FAM117B: variants seen among roughly 807,000 people sequenced by gnomAD.
FAM117B encodes family with sequence similarity 117 member B.
FAM117B carries 22 observed loss-of-function variants against 52.8 expected under a neutral mutation model. The observed-to-expected ratio is 0.42, with a 90% CI of 0.30 to 0.59. FAM117B has a LOEUF of 0.59. Ranked by LOEUF, FAM117B falls within the 20% of genes least tolerant of loss-of-function variation. FAM117B has a pLI of 0.22. For missense variants in FAM117B, 678 were observed against 802.6 expected (o/e 0.84, Z 1.88); for synonymous variants, 309 against 324.1 (o/e 0.95, Z 0.50).
At chr2:202,743,032 A>AC (rs1287456132) in intron 4 of FAM117B, among the ~76,000 whole-genome samples, 1 of 152,132 alleles carries the variant, frequency 6.6e-6, no homozygotes, top group African/African-American at 2.4e-5. Context: ...AGTCCTGAGG[A>AC]CCCACCTGCC....
At chr2:202,695,485 C>G (rs1690696920) in intron 1 of FAM117B, among the ~76,000 whole-genome samples, 1 of 152,038 alleles carries the variant, frequency 6.6e-6, no homozygotes, top group African/African-American at 2.4e-5. Flanking sequence ...CTTTGGAGCC[C>G]TCTCAATCGT....
intron 3 of FAM117B, chr2:202,725,299 CTTTTT>C (rs11432596): frequency 2.7e-5 from 4 of 148,824 alleles, no homozygotes; most frequent in South Asian, 1.5e-4. Flanking sequence ...CACATTTATT[CTTTTT>C]TTTTTTTTTT....
In FAM117B at chr2:202,759,792, C is replaced by T. The variant is rs574195513; in HGVS notation, c.1451+439C>T. ...CAGGATGGTCTCAATCTCCTGACTT[C>T]GTGATCCACCTGCCTCGGCCTACCA... On this transcript the variant is annotated intron_variant, in intron 7 of 7. Coordinates refer to ENST00000392238, the MANE Select transcript of FAM117B (RefSeq NM_173511.4). Among the ~76,000 whole-genome samples the T allele has an allele frequency of 8.7e-5, 13 of 149,984 alleles. 1 individual carries two copies. The South Asian group carries it at 1.0e-3, about 12-fold the overall frequency.
intron 2 of FAM117B, among the ~76,000 whole-genome samples, chr2:202,701,094 G>T (rs1285794664): frequency 6.6e-6 from 1 of 152,168 alleles, no homozygotes; most frequent in Non-Finnish European, 1.5e-5. Context: ...TTAAGGAACA[G>T]GCCAACTCTC....
intron 4 of FAM117B, among the ~76,000 whole-genome samples, chr2:202,733,307 G>C (rs1235100792): frequency 6.6e-6 from 1 of 152,204 alleles, no homozygotes; most frequent in Non-Finnish European, 1.5e-5. Context: ...TCTGTGTTCA[G>C]CTGTGCACAT....
At chr2:202,707,835 C>T (rs561743300) in intron 2 of FAM117B, among the ~76,000 whole-genome samples, 67 of 151,376 alleles carry the variant, frequency 4.4e-4, no homozygotes, top group African/African-American at 1.3e-3. Context: ...GCAGTGCAAT[C>T]TTGGCTCACT....
intron 7 of FAM117B, among the ~76,000 whole-genome samples, chr2:202,764,321 G>C (rs1559118490): frequency 6.6e-6 from 1 of 152,082 alleles, no homozygotes; most frequent in Non-Finnish European, 1.5e-5. Context: ...CTGGAGTGCA[G>C]TGGCCCGATT....
intron 2 of FAM117B, among the ~76,000 whole-genome samples, chr2:202,708,437 T>G (rs1690909918): frequency 6.6e-6 from 1 of 152,198 alleles, no homozygotes; most frequent in Admixed American, 6.5e-5. Flanking sequence ...TAATATTCCA[T>G]TGTATGTATA....
At chr2:202,663,055 A>G (rs1195909239) in intron 1 of FAM117B, among the ~76,000 whole-genome samples, 4 of 152,242 alleles carry the variant, frequency 2.6e-5, no homozygotes, top group African/African-American at 9.6e-5. Flanking sequence ...TTAAAATTAT[A>G]CATTCATAGT....
At chr2:202,648,690 G>A (rs1176565791) in intron 1 of FAM117B, among the ~76,000 whole-genome samples, 1 of 151,906 alleles carries the variant, frequency 6.6e-6, no homozygotes, top group Non-Finnish European at 1.5e-5. Context: ...ATGCTAGGTT[G>A]AATATTCTTG....
intron 3 of FAM117B, among the ~76,000 whole-genome samples, chr2:202,725,770 C>T (rs755333592): frequency 1.3e-4 from 20 of 152,076 alleles, no homozygotes; most frequent in Non-Finnish European, 2.5e-4. Flanking sequence ...TGCAAAAACT[C>T]GGTCAAAGAA....
At chr2:202,712,473 A>G (rs997673216) in intron 2 of FAM117B, among the ~76,000 whole-genome samples, 2 of 125,570 alleles carry the variant, frequency 1.6e-5, no homozygotes, top group Admixed American at 2.0e-4. Context: ...GTTTCCAAAT[A>G]TAAGATCATA....
intron 1 of FAM117B, among the ~76,000 whole-genome samples, chr2:202,694,277 A>C (rs1380689097): frequency 7.0e-6 from 1 of 142,790 alleles, no homozygotes; most frequent in Non-Finnish European, 1.5e-5. Flanking sequence ...TGCAACCTCC[A>C]ACTCTAGGAT....
At chr2:202,733,113 C>T (rs1053270865) in intron 4 of FAM117B, among the ~76,000 whole-genome samples, 10 of 152,126 alleles carry the variant, frequency 6.6e-5, no homozygotes, top group Non-Finnish European at 1.0e-4. Context: ...ATTGGTAGGT[C>T]TGTAATGTCC....
chr2:202,731,335 ATAT>A lies in FAM117B; in HGVS notation c.960+4973_960+4975del, dbSNP rs1559111600. Among the ~76,000 whole-genome samples the A allele has an allele frequency of 1.7e-3, 164 of 98,586 alleles. 4 individuals are homozygous for A. Among genetic ancestry groups the A allele is most frequent in the Admixed American group, 0.01 (102 of 9,892 alleles). 64.7% of individuals were successfully genotyped at this position (98,586 alleles called of 152,430 possible). On this transcript the variant is annotated intron_variant, in intron 4 of 7. Transcript: ENST00000392238. The stretch of plus-strand genomic sequence containing the variant: ...GGGGAGGATGTGGAGAAATTGGAAT[ATAT>A]ATATATATATATATATATATATATA...
chr2:202,650,796 A>T (rs1282479458), intron 1 of FAM117B, among the ~76,000 whole-genome samples: 2 of 151,884 alleles, frequency 1.3e-5, no homozygotes, highest in Admixed American at 1.3e-4. Context: ...AGGCCGGAAG[A>T]CTCAGCAAGT....
intron 7 of FAM117B, among the ~76,000 whole-genome samples, chr2:202,761,920 TAGAA>T (rs1691896882): frequency 6.6e-6 from 1 of 152,088 alleles, no homozygotes; most frequent in Admixed American, 6.6e-5. Flanking sequence ...GTTTTACTGG[TAGAA>T]AGACTGTGTA....
rs1691974832 is a variant in FAM117B at position 202,766,087 on chromosome 2, CA to C, written c.*324del. On this transcript the variant is annotated 3_prime_UTR_variant, in exon 8 of 8. Coordinates refer to ENST00000392238, the MANE Select transcript of FAM117B (RefSeq NM_173511.4). ...ACACACACACACACACACACACACA[CA>C]CACACACACACACACACACCCCTGA... 2 of 236,416 alleles carry C rather than the reference CA, an allele frequency of 8.5e-6. No individual in the cohort carries two copies. The highest frequency in any genetic ancestry group is 1.7e-5 in the Non-Finnish European group (2 of 119,980). The allele number at this position is 236,416 out of a possible 1,614,324, so 14.6% of individuals were successfully genotyped here.
chr2:202,730,530 C>T (rs1047541999), intron 4 of FAM117B, among the ~76,000 whole-genome samples: 2 of 151,936 alleles, frequency 1.3e-5, no homozygotes, highest in African/African-American at 2.4e-5. Flanking sequence ...ATAAGCTAGG[C>T]GTGGTGCCGC....
Sources: allele counts gnomAD v4.1 joint callset (sites outside exome capture counted in the v4.1 genomes callset), GRCh38; gene constraint gnomAD v4.1.1; transcripts MANE v1.5; gene names NCBI Gene and HGNC (gene_info 2026-07-23, HGNC 2026-07-21).